ARFIP1: variants seen among roughly 807,000 people sequenced by gnomAD.
ARFIP1 encodes the protein arfaptin-1.
In ARFIP1, 24 loss-of-function variants were observed where a neutral mutation model predicts 42.5. That is an observed-to-expected ratio of 0.57 (90% CI 0.41 to 0.80). The LOEUF (loss-of-function observed/expected upper bound fraction) is 0.80, where lower values mean the gene tolerates loss of function less well. ARFIP1 is among the 30% of genes least tolerant of loss of function. The pLI, the probability that ARFIP1 is intolerant of heterozygous loss-of-function variation, is 0.00. For synonymous variants in ARFIP1, 141 were observed against 153.7 expected (o/e 0.92, Z 0.61); for missense variants, 354 against 434.0 (o/e 0.82, Z 1.64).
At position 152,820,126 on chromosome 4, in the gene ARFIP1, GC is replaced by G. The variant is rs796870460; in HGVS notation, c.-9-9492del. Among the ~76,000 whole-genome samples, 195 of 151,854 alleles carry G rather than the reference GC, an allele frequency of 1.3e-3. 1 individual carries two copies. The highest frequency in any genetic ancestry group is 4.3e-3 in the African/African-American group (180 of 41,380). Reference sequence around the variant, plus strand: ...CTGGCTTGGAAGAAGAGCTGTGGTGGCCCCCCCACCCCCAAAGAAGACCTCA... The same window carrying G: ...CTGGCTTGGAAGAAGAGCTGTGGTGGCCCCCCACCCCCAAAGAAGACCTCA... On this transcript the variant is annotated intron_variant, in intron 1 of 8. Transcript: ENST00000353617.
chr4:152,804,084 T>C (rs1363312842), intron 1 of ARFIP1, among the ~76,000 whole-genome samples: 3 of 96,594 alleles, frequency 3.1e-5, no homozygotes, highest in Non-Finnish European at 4.1e-5. Flanking sequence ...TTATATATAA[T>C]ATAACGTAAT....
At chr4:152,799,774 T>C (rs1731690390) in intron 1 of ARFIP1, among the ~76,000 whole-genome samples, 1 of 152,196 alleles carries the variant, frequency 6.6e-6, no homozygotes, top group Non-Finnish European at 1.5e-5. Context: ...GCATGTGTGT[T>C]CTAGGAAAGA....
intron 7 of ARFIP1, among the ~76,000 whole-genome samples, chr4:152,885,227 A>T (rs1029899435): frequency 6.6e-6 from 1 of 152,026 alleles, no homozygotes; most frequent in African/African-American, 2.4e-5. Flanking sequence ...GAATTTACTG[A>T]CTTTTAGGGC....
intron 8 of ARFIP1, among the ~76,000 whole-genome samples, chr4:152,909,708 A>G (rs962843676): frequency 6.6e-6 from 1 of 152,220 alleles, no homozygotes; most frequent in Non-Finnish European, 1.5e-5. Flanking sequence ...TTGTGTAGCA[A>G]TTATATATAA....
At chr4:152,896,224 CAG>C (rs1021054500) in intron 8 of ARFIP1, among the ~76,000 whole-genome samples, 28 of 151,920 alleles carry the variant, frequency 1.8e-4, no homozygotes, top group African/African-American at 6.1e-4. Context: ...ATAATGGGAA[CAG>C]GGGAGAAATA....
intron 2 of ARFIP1, among the ~76,000 whole-genome samples, chr4:152,831,467 A>T (rs988729999): frequency 6.6e-6 from 1 of 152,186 alleles, no homozygotes; most frequent in Non-Finnish European, 1.5e-5. Context: ...TTATTGAGGT[A>T]TAGCTTCTAC....
At chr4:152,786,937 CT>C (rs1730845092) in intron 1 of ARFIP1, among the ~76,000 whole-genome samples, 1 of 152,202 alleles carries the variant, frequency 6.6e-6, no homozygotes, top group Non-Finnish European at 1.5e-5. Context: ...CACACCTCAG[CT>C]GAAGTTTTGC....
rs116501528 is a variant in ARFIP1, at chr4:152,801,505, G to A, written c.-10+21279G>A. On this transcript the variant is annotated intron_variant, in intron 1 of 8. Coordinates refer to ENST00000353617, the MANE Select transcript of ARFIP1 (RefSeq NM_001025595.3). ...GAGTAAATGAATTTCTGTATCATCTGTGTTCAGTAATTATCCGGATTTCAC... is the reference window on the plus strand; with the variant it reads ...GAGTAAATGAATTTCTGTATCATCTATGTTCAGTAATTATCCGGATTTCAC... 1.7e-3 allele frequency among the ~76,000 whole-genome samples: 265 copies of A among 152,196 alleles called. 2 individuals carry two copies. The highest frequency in any genetic ancestry group is 5.8e-3 in the African/African-American group (239 of 41,532).
At chr4:152,904,052 A>T (rs920336848) in intron 8 of ARFIP1, among the ~76,000 whole-genome samples, 16 of 151,222 alleles carry the variant, frequency 1.1e-4, no homozygotes, top group South Asian at 4.2e-4. Context: ...CTTTTTTTTT[A>T]AGTTATTTTT....
intron 3 of ARFIP1, 26 bp downstream of exon 3, chr4:152,863,740 T>C (rs773210934): frequency 6.8e-7 from 1 of 1,478,356 alleles, no homozygotes; most frequent in South Asian, 1.2e-5. Flanking sequence ...TTTGTAAAGA[T>C]GGCTGGGATA....
chr4:152,787,493 C>G (rs60497378), intron 1 of ARFIP1, among the ~76,000 whole-genome samples: 5,693 of 152,320 alleles, frequency 0.037, 156 homozygotes, highest in South Asian at 0.079. Flanking sequence ...GATGCACCTA[C>G]GCAAGCATGC....
At position 152,910,898 on chromosome 4, in the gene ARFIP1, G is replaced by A. The variant is rs531819541; in HGVS notation, c.*679G>A. 1.3e-3 allele frequency: 200 copies of A among 152,594 alleles called. No homozygotes were observed. Among genetic ancestry groups the A allele is most frequent in the Non-Finnish European group, 2.3e-3 (154 of 68,002 alleles). 9.5% of individuals were successfully genotyped at this position (152,594 alleles called of 1,614,324 possible). A position where few individuals can be genotyped will look rare whatever the true frequency, so the allele number is the denominator to read the frequency against. Reference sequence around the variant, plus strand: ...GAATTTGCTTCACCCGAAGTCATTGGACAGTTACATTTGCAATTTCTTTTG... The same window carrying A: ...GAATTTGCTTCACCCGAAGTCATTGAACAGTTACATTTGCAATTTCTTTTG... On this transcript the variant is annotated 3_prime_UTR_variant, in exon 9 of 9. Coordinates refer to ENST00000353617, the MANE Select transcript of ARFIP1 (RefSeq NM_001025595.3).
At chr4:152,875,026 T>C (rs981310945) in intron 5 of ARFIP1, among the ~76,000 whole-genome samples, 1 of 152,168 alleles carries the variant, frequency 6.6e-6, no homozygotes, top group Non-Finnish European at 1.5e-5. Context: ...TTTCATGCTT[T>C]CTACCTTTAA....
chr4:152,897,464 G>A (rs989270559), intron 8 of ARFIP1, among the ~76,000 whole-genome samples: 1 of 151,914 alleles, frequency 6.6e-6, no homozygotes, highest in Non-Finnish European at 1.5e-5. Context: ...TTCTTTTTTG[G>A]CAATCATAAG....
intron 1 of ARFIP1, among the ~76,000 whole-genome samples, chr4:152,783,362 G>A (rs1202977152): frequency 2.0e-5 from 3 of 152,130 alleles, no homozygotes. Flanking sequence ...TCCTTTTAAG[G>A]TAATGACAAA....
At chr4:152,899,039 C>T (rs890434796) in intron 8 of ARFIP1, among the ~76,000 whole-genome samples, 1 of 152,134 alleles carries the variant, frequency 6.6e-6, no homozygotes, top group African/African-American at 2.4e-5. Flanking sequence ...GTGACTTGGC[C>T]CCATTTCGTC....
chr4:152,795,820 A>ATTTTTTTTTTTTTTTT lies in ARFIP1; in HGVS notation c.-10+15611_-10+15626dup, dbSNP rs56845391. 5.6e-3 allele frequency among the ~76,000 whole-genome samples: 157 copies of ATTTTTTTTTTTTTTTT among 28,058 alleles called. 12 individuals are homozygous for ATTTTTTTTTTTTTTTT. Among genetic ancestry groups the ATTTTTTTTTTTTTTTT allele is most frequent in the Non-Finnish European group, 6.7e-3 (109 of 16,214 alleles). 18.4% of individuals were successfully genotyped at this position (28,058 alleles called of 152,430 possible). ...CGATTGTTACTTGAGGGCCCTTGTA[A>ATTTTTTTTTTTTTTTT]TTTTTTTTTTTTTTTTTTTTTTTTT... On this transcript the variant is annotated intron_variant, in intron 1 of 8. Transcript: ENST00000353617.
chr4:152,796,713 C>A (rs1375181523), intron 1 of ARFIP1: 2 of 860,406 alleles, frequency 2.3e-6, no homozygotes, highest in East Asian at 2.4e-5. Flanking sequence ...TCAGACCAAT[C>A]ATTTTCTTTG....
chr4:152,902,040 A>T (rs1322810714), intron 8 of ARFIP1, among the ~76,000 whole-genome samples: 2 of 152,212 alleles, frequency 1.3e-5, no homozygotes, highest in Non-Finnish European at 2.9e-5. Context: ...TCTATTGCCC[A>T]TGAATAGAAG....
Sources: gnomAD v4.1 joint callset for allele counts (sites outside exome capture counted in the v4.1 genomes callset) on GRCh38, gnomAD v4.1.1 for gene constraint, MANE v1.5 for transcripts, NCBI Gene and HGNC (gene_info 2026-07-23, HGNC 2026-07-21) for gene names.